The following CCPG1 variants were observed in gnomAD, a reference collection of about 807,000 sequenced individuals.
CCPG1 encodes cell cycle progression 1.
In CCPG1, 46 loss-of-function variants were observed where a neutral mutation model predicts 81.3. The ratio of observed to expected loss-of-function variants is 0.57; its 90% CI spans 0.45 to 0.72. The LOEUF is 0.72. Ranked by LOEUF, CCPG1 falls within the 30% of genes least tolerant of loss-of-function variation. The pLI, the probability that CCPG1 is intolerant of heterozygous loss-of-function variation, is 0.00. For synonymous variants in CCPG1, 330 were observed against 305.2 expected (o/e 1.08, Z -0.85); for missense variants, 902 against 937.6 (o/e 0.96, Z 0.50).
chr15:55,377,275 T>C (rs1445747706), intron 4 of CCPG1, 125 bp from the exon 5 acceptor site: 2 of 685,998 alleles, frequency 2.9e-6, no homozygotes, highest in Non-Finnish European at 4.8e-6. Flanking sequence ...TGATTCCTAC[T>C]ATTAGTAAAG....
At chr15:55,369,712 A>C (rs1566970236) in intron 6 of CCPG1, among the ~76,000 whole-genome samples, 1 of 152,244 alleles carries the variant, frequency 6.6e-6, no homozygotes, top group Non-Finnish European at 1.5e-5. Context: ...TTTATTAATT[A>C]ACTATTAAGG....
chr15:55,367,732 A>G (rs2056361425), intron 6 of CCPG1, among the ~76,000 whole-genome samples: 1 of 152,260 alleles, frequency 6.6e-6, no homozygotes, highest in Admixed American at 6.5e-5. Flanking sequence ...TCATCTGGCA[A>G]AACTTCCCCA....
At chr15:55,377,351 A>C (rs1239069371) in intron 4 of CCPG1, among the ~76,000 whole-genome samples, 1 of 152,198 alleles carries the variant, frequency 6.6e-6, no homozygotes, top group Non-Finnish European at 1.5e-5. Context: ...CAACTCTCAG[A>C]ATTAGATCAG....
At chr15:55,367,503 C>T (rs186306003) in intron 6 of CCPG1, among the ~76,000 whole-genome samples, 77 of 152,164 alleles carry the variant, frequency 5.1e-4, no homozygotes, top group African/African-American at 1.7e-3. Context: ...CATGTTGCAG[C>T]GCTGTCAGAT....
chr15:55,390,856 T>C (rs532208360), intron 1 of CCPG1, among the ~76,000 whole-genome samples: 14 of 152,338 alleles, frequency 9.2e-5, no homozygotes, highest in African/African-American at 3.4e-4. Flanking sequence ...TGTATGACTT[T>C]TAATGTTATG....
chr15:55,381,449 A>G (rs2056693877), intron 3 of CCPG1, among the ~76,000 whole-genome samples: 1 of 152,198 alleles, frequency 6.6e-6, no homozygotes, highest in Non-Finnish European at 1.5e-5. Flanking sequence ...AAGAAAAAGA[A>G]AAAAAAGAAA....
At chr15:55,357,550 A>C in intron 8 of CCPG1, 2 of 535,020 alleles carry the variant, frequency 3.7e-6, no homozygotes, top group Non-Finnish European at 4.8e-6. Flanking sequence ...AAATTTCAGA[A>C]ATAATTCATC....
chr15:55,386,011 G>C (rs777851680), intron 2 of CCPG1, among the ~76,000 whole-genome samples: 6 of 152,016 alleles, frequency 3.9e-5, no homozygotes, highest in Non-Finnish European at 8.8e-5. Flanking sequence ...TCTAAATTTG[G>C]TTATTTCTAT....
intron 1 of CCPG1, among the ~76,000 whole-genome samples, chr15:55,403,671 T>G (rs2057166383): frequency 6.6e-6 from 1 of 152,324 alleles, no homozygotes; most frequent in African/African-American, 2.4e-5. Flanking sequence ...AAATGACCTT[T>G]GAAACCAAGT....
At chr15:55,405,828 TGCA>T (rs2057207700) in intron 1 of CCPG1, among the ~76,000 whole-genome samples, 1 of 152,242 alleles carries the variant, frequency 6.6e-6, no homozygotes, top group Admixed American at 6.5e-5. Flanking sequence ...AGTCTACAGA[TGCA>T]GCAACAGGGA....
chr15:55,403,618 T>G (rs865793460), intron 1 of CCPG1, among the ~76,000 whole-genome samples: 1 of 152,160 alleles, frequency 6.6e-6, no homozygotes, highest in Admixed American at 6.5e-5. Flanking sequence ...AGAACTCAAA[T>G]TGAGAGAAAA....
chr15:55,406,187 G>A (rs2057215195), intron 1 of CCPG1, among the ~76,000 whole-genome samples: 1 of 146,698 alleles, frequency 6.8e-6, no homozygotes, highest in East Asian at 2.0e-4. Context: ...TTAAAGTAAT[G>A]TTCATAGAGT....
intron 6 of CCPG1, among the ~76,000 whole-genome samples, chr15:55,367,724 A>C (rs764290284): frequency 6.6e-6 from 1 of 152,106 alleles, no homozygotes; most frequent in Non-Finnish European, 1.5e-5. Context: ...TCTATTTATC[A>C]TCTGGCAAAA....
chr15:55,356,716 A>G, intron 8 of CCPG1: 3 of 1,069,960 alleles, frequency 2.8e-6, no homozygotes, highest in Middle Eastern at 4.3e-4. Flanking sequence ...CTCCTTTCCT[A>G]TAAAAATCAG....
At chr15:55,364,809 G>A (rs1025415110) in intron 7 of CCPG1, among the ~76,000 whole-genome samples, 2 of 151,562 alleles carry the variant, frequency 1.3e-5, no homozygotes, top group Non-Finnish European at 2.9e-5. Context: ...GGAGGTGGAA[G>A]TTGCAGCAAC....
At chr15:55,405,902 T>C (rs757081579) in intron 1 of CCPG1, among the ~76,000 whole-genome samples, 3 of 152,242 alleles carry the variant, frequency 2.0e-5, no homozygotes, top group Non-Finnish European at 4.4e-5. Flanking sequence ...TCTCACTCTG[T>C]CACCCAGGCT....
chr15:55,364,992 T>C (rs8026454), intron 7 of CCPG1, among the ~76,000 whole-genome samples, 196 bp downstream of exon 7: 27,624 of 152,208 alleles, frequency 0.18, 4,386 homozygotes, highest in African/African-American at 0.43. Context: ...TTAATTCACA[T>C]ATTGTGAGAA....
intron 1 of CCPG1, among the ~76,000 whole-genome samples, chr15:55,390,527 G>A (rs1257692953): frequency 6.6e-6 from 1 of 152,204 alleles, no homozygotes; most frequent in African/African-American, 2.4e-5. Flanking sequence ...AGTTCTAATA[G>A]AACTCTACTG....
intron 2 of CCPG1, 35 bp from the exon 3 acceptor site, chr15:55,385,749 T>C (rs1379285986): frequency 1.8e-6 from 2 of 1,132,836 alleles, no homozygotes; most frequent in East Asian, 4.7e-5. Context: ...GTTATTTGCC[T>C]ATTAGCTCCT....
Sources: gnomAD v4.1 joint callset for allele counts (sites outside exome capture counted in the v4.1 genomes callset) on GRCh38, gnomAD v4.1.1 for gene constraint, MANE v1.5 for transcripts, NCBI Gene and HGNC (gene_info 2026-07-23, HGNC 2026-07-21) for gene names.